Variants in CUL4A observed in about 807,000 individuals in gnomAD.
The protein encoded by CUL4A is cullin-4A.
Under a neutral mutation model 95.5 loss-of-function variants are expected in CUL4A, and 16 were observed. The ratio of observed to expected loss-of-function variants is 0.17; its 90% CI spans 0.11 to 0.25. CUL4A has a LOEUF of 0.25. CUL4A is among the 10% of genes least tolerant of loss of function. The pLI is 1.00. For synonymous variants in CUL4A, 380 were observed against 353.1 expected (o/e 1.08, Z -0.85); for missense variants, 610 against 937.0 (o/e 0.65, Z 4.56).
At chr13:113,256,445 T>G (rs576462154) in intron 18 of CUL4A, among the ~76,000 whole-genome samples, 7 of 152,188 alleles carry the variant, frequency 4.6e-5, no homozygotes, top group Non-Finnish European at 5.9e-5. Context: ...AGCTGCTGGG[T>G]AAAATAATGT....
At chr13:113,222,966 A>G (rs1427160366) in intron 3 of CUL4A, among the ~76,000 whole-genome samples, 1 of 152,148 alleles carries the variant, frequency 6.6e-6, no homozygotes. Context: ...AGATGAGAGG[A>G]GAACCTGGAG....
In CUL4A at chr13:113,244,933, G is replaced by C. The variant is rs373844328; in HGVS notation, c.1334-16G>C. On this transcript the variant is annotated splice_polypyrimidine_tract_variant and intron_variant, in intron 12 of 19. Coordinates refer to ENST00000375440, the MANE Select transcript of CUL4A (RefSeq NM_001008895.4). The stretch of plus-strand genomic sequence containing the variant: ...ACTCTCTGATGTCTTGATTATTCTC[G>C]TCTGGTTATAAATAGGTAAAGATGT... 1.3e-6 allele frequency: 2 copies of C among 1,487,224 alleles called. No homozygotes were observed. Among genetic ancestry groups the C allele is most frequent in the South Asian group, 1.1e-5 (1 of 88,358 alleles). The allele number at this position is 1,487,224 out of a possible 1,614,324, so 92.1% of individuals were successfully genotyped here.
chr13:113,229,309 AAAAT>A (rs2041224941), intron 4 of CUL4A, 133 bp from the exon 5 acceptor site: 19 of 683,246 alleles, frequency 2.8e-5, no homozygotes, highest in South Asian at 2.3e-4. Flanking sequence ...TTAGAAAAAA[AAAAT>A]AAAACATGAG....
intron 3 of CUL4A, among the ~76,000 whole-genome samples, chr13:113,227,298 G>A (rs1242385772): frequency 1.3e-5 from 2 of 152,218 alleles, no homozygotes; most frequent in Non-Finnish European, 2.9e-5. Flanking sequence ...CAAGGCACTG[G>A]CAGATTGCAT....
chr13:113,220,274 G>A (rs935860213), intron 3 of CUL4A, among the ~76,000 whole-genome samples: 11 of 152,196 alleles, frequency 7.2e-5, no homozygotes, highest in Non-Finnish European at 1.5e-5. Flanking sequence ...ACAGCACCCC[G>A]CACAGATGTG....
intron 15 of CUL4A, among the ~76,000 whole-genome samples, chr13:113,250,467 A>C (rs1006614848): frequency 1.3e-5 from 2 of 152,198 alleles, no homozygotes; most frequent in African/African-American, 2.4e-5. Flanking sequence ...TCAAAAAAAG[A>C]AAATAAAATA....
chr13:113,249,399 C>T (rs1189282581), intron 15 of CUL4A, among the ~76,000 whole-genome samples: 2 of 151,916 alleles, frequency 1.3e-5, no homozygotes, highest in African/African-American at 4.8e-5. Context: ...TACATGAGCG[C>T]TTTATTCCAT....
At chr13:113,208,820 T>TTTCTGCCGGGGCCC, upstream of CUL4A, 1 of 1,409,068 alleles carries the variant, frequency 7.1e-7, no homozygotes. Flanking sequence ...GCCCGGGGTC[T>TTTCTGCCGGGGCCC]TTCTGCCGGG....
rs754879799 is a variant in CUL4A at position 113,233,320 on chromosome 13, G to T, written c.656G>T (p.Gly219Val). ...CGGAGCCTGTTGCGGAGCCTCCTGG[G>T]CATGCTGTCTGACCTGCAGGTGAGT... is the stretch of plus-strand genomic sequence containing the variant. ...VDRSLLRSLLGMLSDLQVYKD... is the reference protein window; with the variant it reads ...VDRSLLRSLLVMLSDLQVYKD... The change falls in exon 6 of 20, where the codon GGC becomes GTC. Residue 219 changes from glycine to valine, a missense_variant. Transcript: ENST00000375440. 6.2e-7 allele frequency: 1 copy of T among 1,613,048 alleles called. No homozygotes were observed. The highest frequency in any genetic ancestry group is 8.5e-7 in the Non-Finnish European group (1 of 1,179,868).
chr13:113,221,960 A>T (rs1200005905), intron 3 of CUL4A, among the ~76,000 whole-genome samples: 1 of 152,196 alleles, frequency 6.6e-6, no homozygotes, highest in African/African-American at 2.4e-5. Flanking sequence ...GGAGCATTGC[A>T]GGGGCGAAGC....
intron 5 of CUL4A, chr13:113,229,735 C>T (rs2041241646): frequency 3.8e-6 from 2 of 530,582 alleles, no homozygotes; most frequent in East Asian, 3.1e-5. Context: ...GCAGGAAGCT[C>T]GGACAGGCGG....
chr13:113,209,480 CG>C (rs1259559751), upstream of CUL4A: 1 of 280,470 alleles, frequency 3.6e-6, no homozygotes, highest in East Asian at 2.0e-4. Context: ...AGTAGCCGGG[CG>C]CGGCGGCGGT....
chr13:113,216,353 C>G (rs575357612), intron 2 of CUL4A, among the ~76,000 whole-genome samples: 10 of 152,202 alleles, frequency 6.6e-5, no homozygotes, highest in Admixed American at 6.5e-4. Context: ...TATAAATAGA[C>G]GTGTATTTGA....
At position 113,254,985 on chromosome 13, in the gene CUL4A, C is replaced by G. The variant is rs762083792; in HGVS notation, c.1891C>G (p.Leu631Val). 8.7e-6 allele frequency: 14 copies of G among 1,613,858 alleles called. No homozygotes were observed. The South Asian group carries it at 8.8e-5, about 10-fold the overall frequency. ...TGAATTGCGCAGAACGCTGCAGTCC[C>G]TGGCCTGTGGCAAAGCACGTGTGCT... ...DSELRRTLQS[L>V]ACGKARVLIK... Residue 631 changes from leucine to valine, a missense_variant, in exon 18 of 20, where the codon CTG (leucine) becomes GTG (valine). By Grantham distance (32) the Leu-to-Val change is conservative. Transcript: ENST00000375440.
chr13:113,230,467 A>G (rs1010092977), intron 5 of CUL4A, among the ~76,000 whole-genome samples: 6 of 152,238 alleles, frequency 3.9e-5, no homozygotes, highest in Middle Eastern at 6.8e-3. Flanking sequence ...TAACTTCCTC[A>G]TGGAACTCCC....
intron 4 of CUL4A, among the ~76,000 whole-genome samples, chr13:113,228,520 A>C (rs2041190344): frequency 6.6e-6 from 1 of 152,162 alleles, no homozygotes; most frequent in African/African-American, 2.4e-5. Context: ...CGTTTTCTAA[A>C]TGATATCAGT....
intron 2 of CUL4A, among the ~76,000 whole-genome samples, chr13:113,216,246 G>T (rs1359525667): frequency 6.6e-5 from 10 of 152,218 alleles, no homozygotes; most frequent in Non-Finnish European, 2.9e-5. Flanking sequence ...GGCCTTCCTT[G>T]TTCTGTCTTC....
intron 5 of CUL4A, among the ~76,000 whole-genome samples, chr13:113,230,760 AATTATT>A (rs35512827): frequency 1.3e-4 from 18 of 143,678 alleles, no homozygotes; most frequent in African/African-American, 4.4e-4. Context: ...GCTTTTCAAA[AATTATT>A]ATTATTATTA....
chr13:113,217,705 G>C (rs2040746349), intron 2 of CUL4A, among the ~76,000 whole-genome samples: 1 of 152,088 alleles, frequency 6.6e-6, no homozygotes, highest in African/African-American at 2.4e-5. Flanking sequence ...ATTAAATTCA[G>C]ATTATTTATC....
Sources: allele counts gnomAD v4.1 joint callset (sites outside exome capture counted in the v4.1 genomes callset), GRCh38; gene constraint gnomAD v4.1.1; transcripts MANE v1.5; gene names NCBI Gene and HGNC (gene_info 2026-07-23, HGNC 2026-07-21).